The following GNAQ variants were observed in gnomAD, a reference collection of about 807,000 sequenced individuals.
GNAQ encodes the protein G protein subunit alpha q.
Under a neutral mutation model 43.9 loss-of-function variants are expected in GNAQ, and 8 were observed. The ratio of observed to expected loss-of-function variants is 0.18; its 90% CI spans 0.11 to 0.33. The LOEUF is 0.33. Ranked by LOEUF, GNAQ falls within the 10% of genes least tolerant of loss-of-function variation. The pLI, the probability that GNAQ is intolerant of heterozygous loss-of-function variation, is 1.00. For synonymous variants in GNAQ, 155 were observed against 170.7 expected, an observed-to-expected ratio of 0.91 and a Z score of 0.71; for missense variants, 158 against 450.8, an observed-to-expected ratio of 0.35 and a Z score of 5.88.
At chr9:77,851,799 T>G (rs1391618466) in intron 2 of GNAQ, among the ~76,000 whole-genome samples, 1 of 152,212 alleles carries the variant, frequency 6.6e-6, no homozygotes, top group East Asian at 1.9e-4. Flanking sequence ...AAAGACCCCT[T>G]TTCTTTACAG....
At chr9:77,875,529 T>C (rs965389178) in intron 2 of GNAQ, among the ~76,000 whole-genome samples, 2 of 152,168 alleles carry the variant, frequency 1.3e-5, no homozygotes, top group Admixed American at 1.3e-4. Context: ...GCAAATAAGA[T>C]CTCTGCAGAG....
rs756097609 is a variant in GNAQ at position 77,716,813 on chromosome 9, A to G, written c.*4510T>C. 1 of 232,784 alleles carries G rather than the reference A, an allele frequency of 4.3e-6. No homozygotes were observed. Among genetic ancestry groups the G allele is most frequent in the Non-Finnish European group, 8.5e-6 (1 of 117,876 alleles). The allele number at this position is 232,784 out of a possible 1,614,324, so 14.4% of individuals were successfully genotyped here. A position where few individuals can be genotyped will look rare whatever the true frequency, so the allele number is the denominator to read the frequency against. ...GGAAATGGAGGACACAGGGTAGATA[A>G]GGAAGGCAAGGAGGAAATTAATATT... On this transcript the variant is annotated 3_prime_UTR_variant, in exon 7 of 7. Coordinates refer to ENST00000286548, the MANE Select transcript of GNAQ (RefSeq NM_002072.5).
intron 1 of GNAQ, among the ~76,000 whole-genome samples, chr9:78,018,059 T>C (rs80227131): frequency 0.022 from 3,282 of 152,192 alleles, 49 homozygotes; most frequent in Non-Finnish European, 0.035. Context: ...GAAATAACAT[T>C]TCCATGAATC....
chr9:77,887,265 T>A (rs1247877983), intron 2 of GNAQ, among the ~76,000 whole-genome samples: 2 of 152,234 alleles, frequency 1.3e-5, no homozygotes, highest in Non-Finnish European at 2.9e-5. Flanking sequence ...GATTCCTGAA[T>A]AATGGCAGAT....
At chr9:77,944,765 C>A (rs748300205) in intron 1 of GNAQ, among the ~76,000 whole-genome samples, 5 of 152,212 alleles carry the variant, frequency 3.3e-5, no homozygotes, top group Non-Finnish European at 7.3e-5. Context: ...GACACACTGC[C>A]TCTTTAAAGC....
intron 2 of GNAQ, among the ~76,000 whole-genome samples, chr9:77,849,716 G>C (rs955457100): frequency 6.6e-6 from 1 of 152,114 alleles, no homozygotes; most frequent in African/African-American, 2.4e-5. Context: ...GCCCAGGCTG[G>C]AGAGCAGTGG....
intron 2 of GNAQ, among the ~76,000 whole-genome samples, chr9:77,877,154 T>C (rs1828138654): frequency 6.6e-6 from 1 of 152,178 alleles, no homozygotes; most frequent in Admixed American, 6.5e-5. Context: ...AATTACTCTG[T>C]CACATTTTTC....
chr9:77,856,202 T>C (rs1827751919), intron 2 of GNAQ, among the ~76,000 whole-genome samples: 1 of 152,188 alleles, frequency 6.6e-6, no homozygotes, highest in Non-Finnish European at 1.5e-5. Context: ...GTTTACCCTG[T>C]AAGTGATTCT....
At chr9:77,894,126 G>A (rs74867273) in intron 2 of GNAQ, among the ~76,000 whole-genome samples, 8,237 of 151,446 alleles carry the variant, frequency 0.054, 249 homozygotes, top group Non-Finnish European at 0.056. Context: ...CATTCCAATC[G>A]AGATGTCTGG....
intron 1 of GNAQ, among the ~76,000 whole-genome samples, chr9:78,010,173 G>A (rs933401538): frequency 6.6e-6 from 1 of 152,164 alleles, no homozygotes; most frequent in African/African-American, 2.4e-5. Flanking sequence ...AGGATATTAA[G>A]GAACAAGATT....
At chr9:77,721,580 TTCAA>T (rs1375106568) in intron 6 of GNAQ, 67 bp from the exon 7 acceptor site, 1 of 912,092 alleles carries the variant, frequency 1.1e-6, no homozygotes, top group Non-Finnish European at 1.8e-6. Flanking sequence ...TCATCATTGG[TTCAA>T]TAAATACTGT....
intron 1 of GNAQ, among the ~76,000 whole-genome samples, chr9:78,005,656 C>T (rs1823696399): frequency 6.6e-6 from 1 of 152,150 alleles, no homozygotes; most frequent in Admixed American, 6.5e-5. Flanking sequence ...CCCATGTGAT[C>T]CTCCCAACAA....
intron 6 of GNAQ, among the ~76,000 whole-genome samples, chr9:77,723,708 C>G (rs1245905779): frequency 6.6e-6 from 1 of 152,094 alleles, no homozygotes; most frequent in African/African-American, 2.4e-5. Flanking sequence ...TGTATGCTTG[C>G]ACACATATGA....
At chr9:77,847,159 G>A (rs943900567) in intron 2 of GNAQ, among the ~76,000 whole-genome samples, 1 of 152,200 alleles carries the variant, frequency 6.6e-6, no homozygotes. Flanking sequence ...GCCTTGCAAG[G>A]CAGTGGTCTA....
chr9:77,986,159 T>C (rs1480847193), intron 1 of GNAQ, among the ~76,000 whole-genome samples: 3 of 152,192 alleles, frequency 2.0e-5, no homozygotes, highest in Admixed American at 1.3e-4. Context: ...ACCTTTCCCT[T>C]GCCACATAGC....
At chr9:77,792,405 G>A (rs1385183546) in intron 5 of GNAQ, among the ~76,000 whole-genome samples, 1 of 152,100 alleles carries the variant, frequency 6.6e-6, no homozygotes, top group Non-Finnish European at 1.5e-5. Context: ...TGAATGTCAA[G>A]TTACTGTGGG....
chr9:77,829,790 C>T (rs765475904), intron 2 of GNAQ, among the ~76,000 whole-genome samples: 3 of 152,134 alleles, frequency 2.0e-5, no homozygotes, highest in Admixed American at 6.5e-5. Flanking sequence ...TTAACAATAT[C>T]CCCAGGTGAT....
Position 77,926,053 on chromosome 9 carries a change from G to T in GNAQ, c.137-3708C>A, listed in dbSNP as rs573792403. On this transcript the variant is annotated intron_variant, in intron 1 of 6. Transcript: ENST00000286548. ...TAAAAAATATTTTCTATCCAATGTT[G>T]GTTGAATCCATGGATATGGAACCCG... is the stretch of plus-strand genomic sequence containing the variant. Among the ~76,000 whole-genome samples, 31 of 151,786 alleles carry T rather than the reference G, an allele frequency of 2.0e-4. 1 individual carries two copies. In the South Asian group the frequency reaches 6.3e-3, roughly 31 times the overall value.
intron 1 of GNAQ, among the ~76,000 whole-genome samples, chr9:77,982,516 G>A (rs114525082): frequency 0.011 from 1,617 of 152,068 alleles, 20 homozygotes; most frequent in African/African-American, 0.036. Flanking sequence ...CATGGGGGAC[G>A]GGGAGACCAC....
Sources: allele counts gnomAD v4.1 joint callset (sites outside exome capture counted in the v4.1 genomes callset), GRCh38; gene constraint gnomAD v4.1.1; transcripts MANE v1.5; gene names NCBI Gene and HGNC (gene_info 2026-07-23, HGNC 2026-07-21).